The following RECQL variants were observed in gnomAD, a reference collection of about 807,000 sequenced individuals.
The protein encoded by RECQL is RecQ like helicase.
RECQL carries 73 observed loss-of-function variants against 75.8 expected under a neutral mutation model. The observed-to-expected ratio is 0.96, with a 90% CI of 0.80 to 1.17. The LOEUF is 1.17. RECQL is among the 50% of genes most tolerant of loss of function. The pLI is 0.00. For synonymous variants in RECQL, 248 were observed against 254.4 expected (o/e 0.97, Z 0.24); for missense variants, 699 against 772.1 (o/e 0.91, Z 1.12).
rs1444903329 is a variant in RECQL at position 21,501,394 on chromosome 12, T to G, written c.-270A>C. The G allele has an allele frequency of 6.5e-6, 1 of 152,716 alleles. No homozygotes were observed. The highest frequency in any genetic ancestry group is 1.5e-5 in the Non-Finnish European group (1 of 68,406). 9.5% of individuals were successfully genotyped at this position (152,716 alleles called of 1,614,324 possible). A position where few individuals can be genotyped will look rare whatever the true frequency, so the allele number is the denominator to read the frequency against. On this transcript the variant is annotated 5_prime_UTR_variant, in exon 1 of 15. Coordinates refer to ENST00000444129, the MANE Select transcript of RECQL (RefSeq NM_002907.4). ...CGCCCTGCAGCAGGAAAGGGAAGGA[T>G]GAAACAAAAAGCGCACACCCTTGAC...
chr12:21,471,673 G>A (rs1330186777), intron 12 of RECQL, 26 bp from the exon 13 acceptor site: 3 of 1,573,896 alleles, frequency 1.9e-6, no homozygotes, highest in Non-Finnish European at 2.6e-6. Context: ...TATGGTAGCA[G>A]GTAATTAGGA....
intron 11 of RECQL, among the ~76,000 whole-genome samples, chr12:21,474,484 G>A (rs931619896): frequency 2.6e-4 from 39 of 152,120 alleles, no homozygotes; most frequent in Non-Finnish European, 4.3e-4. Flanking sequence ...AAGGTGGCAC[G>A]TTACTGAGCT....
intron 2 of RECQL, among the ~76,000 whole-genome samples, chr12:21,495,321 G>A (rs1022927532): frequency 2.2e-4 from 33 of 152,282 alleles, no homozygotes; most frequent in Non-Finnish European, 3.7e-4. Flanking sequence ...AATCGGCCAG[G>A]CACGGTGGCT....
intron 2 of RECQL, among the ~76,000 whole-genome samples, chr12:21,497,021 G>A (rs1314866571): frequency 6.6e-6 from 1 of 152,156 alleles, no homozygotes. Flanking sequence ...AAAGCTCTTT[G>A]CCATTATCTA....
chr12:21,485,638 G>A (rs1943279901), intron 5 of RECQL, among the ~76,000 whole-genome samples: 1 of 151,762 alleles, frequency 6.6e-6, no homozygotes, highest in Admixed American at 6.6e-5. Context: ...TGATGGCACA[G>A]CACTTTTCTT....
At chr12:21,500,197 T>C (rs1232941208) in intron 1 of RECQL, among the ~76,000 whole-genome samples, 3 of 152,122 alleles carry the variant, frequency 2.0e-5, no homozygotes, top group Admixed American at 6.5e-5. Flanking sequence ...ATAAGCCCAA[T>C]CTTAAAAGAG....
chr12:21,470,803 A>G, intron 14 of RECQL, 166 bp downstream of exon 14: 4 of 458,008 alleles, frequency 8.7e-6, no homozygotes, highest in Non-Finnish European at 1.1e-5. Context: ...TTTCACTTAC[A>G]TCTTTACAGA....
chr12:21,480,505 C>T (rs1013698983), intron 6 of RECQL, among the ~76,000 whole-genome samples: 10 of 152,034 alleles, frequency 6.6e-5, no homozygotes, highest in East Asian at 1.9e-4. Context: ...AAATCAAGGA[C>T]GGTGTGTCAT....
At position 21,501,574 on chromosome 12, in the gene RECQL, C is replaced by A. The variant is rs373025091; in HGVS notation, c.-450G>T. The A allele has an allele frequency of 6.6e-6, 2 of 301,416 alleles. No individual in the cohort carries two copies. Among genetic ancestry groups the A allele is most frequent in the Non-Finnish European group, 1.3e-5 (2 of 157,456 alleles). The allele number at this position is 301,416 out of a possible 1,614,324, so 18.7% of individuals were successfully genotyped here. A position where few individuals can be genotyped will look rare whatever the true frequency, so the allele number is the denominator to read the frequency against. On this transcript the variant is annotated 5_prime_UTR_variant, in exon 1 of 15. Transcript: ENST00000444129. ...CTCCGACACCAAAGCACCCAGGCCT[C>A]GAGCAGATCTTTCCGCTACTCGGGA...
chr12:21,482,887 T>C (rs1265747438), intron 6 of RECQL, among the ~76,000 whole-genome samples: 1 of 152,182 alleles, frequency 6.6e-6, no homozygotes, highest in Non-Finnish European at 1.5e-5. Flanking sequence ...AAAAGGTCAC[T>C]AAAAATATCT....
chr12:21,475,634 T>C (rs777218904), intron 9 of RECQL, 42 bp downstream of exon 9: 1 of 1,609,348 alleles, frequency 6.2e-7, no homozygotes, highest in South Asian at 1.1e-5. Context: ...GTTTAAATAT[T>C]TTAAAGGTAA....
chr12:21,495,738 C>T (rs1943495960), intron 2 of RECQL, among the ~76,000 whole-genome samples: 1 of 152,170 alleles, frequency 6.6e-6, no homozygotes, highest in Non-Finnish European at 1.5e-5. Context: ...GTGATCAATG[C>T]AGCTTTGGTT....
At chr12:21,485,176 C>T (rs1943266248) in intron 5 of RECQL, among the ~76,000 whole-genome samples, 1 of 148,958 alleles carries the variant, frequency 6.7e-6, no homozygotes, top group Admixed American at 6.7e-5. Context: ...GTACTATGTA[C>T]CACTTGAGTG....
chr12:21,477,874 G>A lies in RECQL; in HGVS notation c.796C>T (p.Gln266Ter), dbSNP rs572725483. The stretch of plus-strand genomic sequence containing the variant: ...CACTTTTCAATGCACAAAATTTTCT[G>A]AGCATCCGTCAAAACGTGATTTGTT... ...TATNHVLTDA[Q>*]KILCIEKCFT... The change falls in exon 7 of 15, where the codon CAG (glutamine) becomes TAG (stop). Residue 266 changes from glutamine (Q) to a stop codon, truncating the protein, a stop_gained. Coordinates refer to ENST00000444129, the MANE Select transcript of RECQL (RefSeq NM_002907.4). LOFTEE classifies it high-confidence loss of function. 24 of 1,613,904 alleles carry A rather than the reference G, an allele frequency of 1.5e-5. No homozygotes were observed. In the East Asian group the frequency reaches 4.7e-4, roughly 31 times the overall value.
At position 21,469,429 on chromosome 12, in the gene RECQL, G is replaced by C. The variant is rs945923218; in HGVS notation, c.*765C>G. 6.0e-5 allele frequency: 9 copies of C among 150,466 alleles called. No individual in the cohort carries two copies. The highest frequency in any genetic ancestry group is 2.0e-4 in the African/African-American group (8 of 40,864). The allele number at this position is 150,466 out of a possible 1,614,324, so 9.3% of individuals were successfully genotyped here. On this transcript the variant is annotated 3_prime_UTR_variant, in exon 15 of 15. Transcript: ENST00000444129. ...GTCAGTGTTAGCATATTTTATGTGCGGCCCAAGACAATTCTTCTTCCAATG... is the reference window on the plus strand; with the variant it reads ...GTCAGTGTTAGCATATTTTATGTGCCGCCCAAGACAATTCTTCTTCCAATG...
At position 21,475,715 on chromosome 12, in the gene RECQL, CT is replaced by C; in HGVS notation, c.1058del (p.Lys353ArgfsTer15). Reference protein sequence around the residue: ...AYHANLEPEDKTTVHRKWSAN... With the variant: ...AYHANLEPEDXTTVHRKWSAN... ...CTGACCATTTTCTATGAACTGTGGT[CT>C]TATCTTCTGGCTCCAAATTGGCATG... On this transcript the variant is annotated frameshift_variant, in exon 9 of 15. Transcript: ENST00000444129. LOFTEE classifies it high-confidence loss of function. 6.2e-7 allele frequency: 1 copy of C among 1,613,440 alleles called. No homozygotes were observed. The highest frequency in any genetic ancestry group is 8.5e-7 in the Non-Finnish European group (1 of 1,179,532).
chr12:21,490,146 G>T, intron 4 of RECQL, 53 bp downstream of exon 4: 1 of 974,572 alleles, frequency 1.0e-6, no homozygotes, highest in Non-Finnish European at 1.5e-6. Flanking sequence ...GAATTAAAAA[G>T]GTATGATGAC....
At chr12:21,471,366 G>C (rs1942955922) in intron 13 of RECQL, 62 bp downstream of exon 13, 4 of 1,435,078 alleles carry the variant, frequency 2.8e-6, no homozygotes, top group Non-Finnish European at 3.8e-6. Flanking sequence ...TTATTCTGTT[G>C]CAATTTTTAA....
chr12:21,473,486 G>A (rs1425823994), intron 12 of RECQL, 65 bp downstream of exon 12: 11 of 1,206,554 alleles, frequency 9.1e-6, no homozygotes, highest in East Asian at 2.4e-5. Context: ...TTCTCAGAAC[G>A]TATCTCTGTC....
Sources: allele counts gnomAD v4.1 joint callset (sites outside exome capture counted in the v4.1 genomes callset), GRCh38; gene constraint gnomAD v4.1.1; transcripts MANE v1.5; gene names NCBI Gene and HGNC (gene_info 2026-07-23, HGNC 2026-07-21).